Variants in ELP6 observed in about 807,000 individuals in gnomAD.
ELP6 encodes the protein elongator complex protein 6.
In ELP6, 23 loss-of-function variants were observed where a neutral mutation model predicts 28.1. The observed-to-expected ratio is 0.82, with a 90% CI of 0.59 to 1.16. ELP6 has a LOEUF of 1.16. Among genes scored for constraint, ELP6 ranks in the 50% most tolerant of loss-of-function variants. The pLI is 0.00. For synonymous variants in ELP6, 132 were observed against 135.8 expected, an observed-to-expected ratio of 0.97 and a Z score of 0.19; for missense variants, 313 against 334.6, an observed-to-expected ratio of 0.94 and a Z score of 0.50.
Position 47,498,434 on chromosome 3 carries a change from T to C in ELP6, c.526-2A>G, listed in dbSNP as rs372166408. The C allele has an allele frequency of 4.2e-5, 68 of 1,611,698 alleles. No homozygotes were observed. The highest frequency in any genetic ancestry group is 5.6e-5 in the Non-Finnish European group (66 of 1,179,876). Reference sequence around the variant, plus strand: ...GTGCACAAGGACCACCATGTTTCCCTGCATCAGATACAAGATGGAAGCCTG... The same window carrying C: ...GTGCACAAGGACCACCATGTTTCCCCGCATCAGATACAAGATGGAAGCCTG... On this transcript the variant is annotated splice_acceptor_variant, in intron 5 of 6. Coordinates refer to ENST00000296149, the MANE Select transcript of ELP6 (RefSeq NM_001031703.3). LOFTEE classifies it high-confidence loss of function.
At chr3:47,497,663 A>G (rs893123472) in intron 6 of ELP6, among the ~76,000 whole-genome samples, 4 of 145,666 alleles carry the variant, frequency 2.7e-5, no homozygotes, top group Non-Finnish European at 6.0e-5. Flanking sequence ...GGTGGCTCAC[A>G]CCTGTAATCC....
At chr3:47,509,733 C>T (rs1183022870) in intron 3 of ELP6, among the ~76,000 whole-genome samples, 1 of 152,066 alleles carries the variant, frequency 6.6e-6, no homozygotes, top group Admixed American at 6.6e-5. Context: ...TGAGATGCTA[C>T]CTTAGCCCTT....
chr3:47,498,705 G>T (rs1708551825), intron 5 of ELP6: 39 of 985,240 alleles, frequency 4.0e-5, no homozygotes, highest in Non-Finnish European at 4.3e-5. Flanking sequence ...TCAATCTCCT[G>T]AATTCCTGAA....
chr3:47,511,406 A>G, intron 1 of ELP6, 180 bp from the exon 2 acceptor site: 2 of 1,411,352 alleles, frequency 1.4e-6, no homozygotes, highest in Non-Finnish European at 1.8e-6. Flanking sequence ...TGGAAAATCC[A>G]TGACTAAAGT....
chr3:47,506,098 G>A (rs1708827998), intron 3 of ELP6, among the ~76,000 whole-genome samples: 1 of 152,136 alleles, frequency 6.6e-6, no homozygotes, highest in Non-Finnish European at 1.5e-5. Context: ...TCACATGTTG[G>A]TAGGTTCCGT....
chr3:47,503,118 C>T (rs1332248339), intron 4 of ELP6: 2 of 1,110,968 alleles, frequency 1.8e-6, no homozygotes, highest in Non-Finnish European at 2.2e-6. Flanking sequence ...AAGACATCTC[C>T]CCATACCTTG....
intron 6 of ELP6, 130 bp downstream of exon 6, chr3:47,498,156 T>C: frequency 2.8e-6 from 4 of 1,417,914 alleles, no homozygotes; most frequent in Non-Finnish European, 3.8e-6. Context: ...GTCTCACAAT[T>C]TCCAGTGTTT....
At chr3:47,510,151 A>G (rs1708972298) in intron 3 of ELP6, 33 bp downstream of exon 3, 2 of 1,526,026 alleles carry the variant, frequency 1.3e-6, no homozygotes, top group Non-Finnish European at 1.8e-6. Context: ...ACACTCACTC[A>G]GGGACCTCAT....
rs989739423 is a variant in ELP6, at chr3:47,498,152, C to A, written c.672+134G>T. On this transcript the variant is annotated intron_variant, in intron 6 of 6. Transcript: ENST00000296149. ...AGCAGGTCTATTACCTGAAGTCTCA[C>A]AATTTCCAGTGTTTCCCTTCCACCT... 70 of 1,415,166 alleles carry A rather than the reference C, an allele frequency of 4.9e-5. No homozygotes were observed. In the South Asian group the frequency reaches 6.0e-4, roughly 12 times the overall value. The allele number at this position is 1,415,166 out of a possible 1,614,324, so 87.7% of individuals were successfully genotyped here.
chr3:47,496,804 T>G (rs1708493627), intron 6 of ELP6: 1 of 985,452 alleles, frequency 1.0e-6, no homozygotes, highest in African/African-American at 1.7e-5. Context: ...CCTTTGTTCT[T>G]TCTTCTAAGC....
At chr3:47,496,637 G>A (rs1708488834) in intron 6 of ELP6, 1 of 605,112 alleles carries the variant, frequency 1.7e-6, no homozygotes, top group Admixed American at 6.4e-5. Flanking sequence ...CTGGATTATG[G>A]GTGCGCATCA....
At chr3:47,505,051 G>A (rs1708786434) in intron 3 of ELP6, among the ~76,000 whole-genome samples, 1 of 152,068 alleles carries the variant, frequency 6.6e-6, no homozygotes, top group Non-Finnish European at 1.5e-5. Flanking sequence ...CAGATCACCT[G>A]AGGTCAGGAG....
intron 3 of ELP6, among the ~76,000 whole-genome samples, chr3:47,506,505 G>A (rs1271924143): frequency 3.3e-5 from 5 of 152,280 alleles, no homozygotes; most frequent in Non-Finnish European, 5.9e-5. Context: ...ACCCCCAAGC[G>A]CGTATTCTCT....
rs1206582152 is a variant in ELP6, at chr3:47,510,217, G to A, written c.171C>T (p.Ser57=). 2 of 1,614,026 alleles carry A rather than the reference G, an allele frequency of 1.2e-6. No individual in the cohort carries two copies. Among genetic ancestry groups the A allele is most frequent in the Non-Finnish European group, 1.7e-6 (2 of 1,179,916 alleles). ...GTCCCACGATACTGTAGTGGCTGAA[G>A]GACTGGATGAGTGCCACAAAGCAGA... The part of the protein sequence containing the change: ...CKVCFVALIQ[S]FSHYSIVGQK... Residue 57 remains serine, a synonymous_variant, in exon 3 of 7, where the codon TCC becomes TCT. Coordinates refer to ENST00000296149, the MANE Select transcript of ELP6 (RefSeq NM_001031703.3).
chr3:47,510,036 A>T, intron 3 of ELP6, 148 bp downstream of exon 3: 1 of 622,556 alleles, frequency 1.6e-6, no homozygotes, highest in Non-Finnish European at 2.8e-6. Flanking sequence ...CTGGGATTAC[A>T]GGCGTGAGCC....
chr3:47,496,789 C>G (rs1395884012), intron 6 of ELP6: 1 of 985,204 alleles, frequency 1.0e-6, no homozygotes, highest in Non-Finnish European at 1.2e-6. Flanking sequence ...CCACTGTGCC[C>G]GGTCCCTTTG....
chr3:47,509,984 G>A (rs570244015), intron 3 of ELP6, 200 bp downstream of exon 3: 6 of 473,882 alleles, frequency 1.3e-5, no homozygotes, highest in African/African-American at 7.9e-5. Context: ...ATGGTCTCCA[G>A]CTCTTGACCT....
At position 47,495,979 on chromosome 3, in the gene ELP6, T is replaced by A; in HGVS notation, c.*90A>T. Reference sequence around the variant, plus strand: ...TCGCCGGTCCAGCCTGAAATATTACTACAGAGGAGAAAGACCCATTCTTGC... The same window carrying A: ...TCGCCGGTCCAGCCTGAAATATTACAACAGAGGAGAAAGACCCATTCTTGC... On this transcript the variant is annotated 3_prime_UTR_variant, in exon 7 of 7. Transcript: ENST00000296149. 1.2e-6 allele frequency: 2 copies of A among 1,601,478 alleles called. No individual in the cohort carries two copies. Among genetic ancestry groups the A allele is most frequent in the Non-Finnish European group, 1.7e-6 (2 of 1,174,820 alleles).
At chr3:47,513,502 G>A (rs1294778103) in intron 1 of ELP6, 35 bp downstream of exon 1, 2 of 1,604,098 alleles carry the variant, frequency 1.2e-6, no homozygotes, top group Non-Finnish European at 1.7e-6. Flanking sequence ...TGCCCTGCCA[G>A]GTCCCGCCCC....
Sources: gnomAD v4.1 joint callset for allele counts (sites outside exome capture counted in the v4.1 genomes callset) on GRCh38, gnomAD v4.1.1 for gene constraint, MANE v1.5 for transcripts, NCBI Gene and HGNC (gene_info 2026-07-23, HGNC 2026-07-21) for gene names.